Variants in SIPA1L2 observed in about 807,000 individuals in gnomAD.
SIPA1L2 encodes the protein signal-induced proliferation-associated 1-like protein 2.
In SIPA1L2, 56 loss-of-function variants were observed where a neutral mutation model predicts 163.9. That is an observed-to-expected ratio of 0.34 (90% CI 0.28 to 0.43). SIPA1L2 has a LOEUF of 0.43. SIPA1L2 is among the 20% of genes least tolerant of loss of function. The pLI is 1.00. For missense variants in SIPA1L2, 1,974 were observed against 2,193.5 expected, an observed-to-expected ratio of 0.90 and a Z score of 2.00; for synonymous variants, 877 against 865.7, an observed-to-expected ratio of 1.01 and a Z score of -0.23.
intron 12 of SIPA1L2, among the ~76,000 whole-genome samples, chr1:232,442,343 T>A (rs1662953532): frequency 6.7e-6 from 1 of 150,010 alleles, no homozygotes; most frequent in Non-Finnish European, 1.5e-5. Context: ...AGGTCAGGAG[T>A]TGGAGACCAG....
rs555508473 is a variant in SIPA1L2 at position 232,479,651 on chromosome 1, G to C, written c.2061C>G (p.Pro687=). 6.2e-7 allele frequency: 1 copy of C among 1,613,698 alleles called. No individual in the cohort carries two copies. Among genetic ancestry groups the C allele is most frequent in the Non-Finnish European group, 8.5e-7 (1 of 1,179,720 alleles). ...ELMFHVSTLL[P]YMPNNRQQLL... The stretch of plus-strand genomic sequence containing the variant: ...CCTGTTGTCTGTTGTTGGGCATGTA[G>C]GGAAGCAGGGTTGACACGTGGAACA... Residue 687 remains proline, a synonymous_variant, in exon 7 of 23, where the codon CCC becomes CCG. Coordinates refer to ENST00000674635, the MANE Select transcript of SIPA1L2 (RefSeq NM_020808.5).
chr1:232,576,656 C>CA (rs1660094507), intron 1 of SIPA1L2, among the ~76,000 whole-genome samples: 1 of 152,108 alleles, frequency 6.6e-6, no homozygotes, highest in Non-Finnish European at 1.5e-5. Context: ...TGTCAAAAGC[C>CA]AAAACAGGCC....
At position 232,445,504 on chromosome 1, in the gene SIPA1L2, C is replaced by G. The variant is rs376129545; in HGVS notation, c.3353+25G>C. 46 of 1,612,680 alleles carry G rather than the reference C, an allele frequency of 2.9e-5. No individual in the cohort carries two copies. In the African/African-American group the frequency reaches 6.1e-4, roughly 22 times the overall value. ...ACCCCAGTGATTTACAAGGGCCCCC[C>G]TTGAGGAAACGGAACCAGCATTACC... On this transcript the variant is annotated intron_variant, in intron 11 of 22. Transcript: ENST00000674635.
At chr1:232,485,672 G>A (rs1322228513) in intron 5 of SIPA1L2, among the ~76,000 whole-genome samples, 1 of 152,170 alleles carries the variant, frequency 6.6e-6, no homozygotes, top group Non-Finnish European at 1.5e-5. Context: ...ACAGATGTTC[G>A]TGACATCTGT....
Position 232,465,423 on chromosome 1 carries a change from A to G in SIPA1L2, c.2244-7T>C. The G allele has an allele frequency of 6.9e-6, 11 of 1,588,074 alleles. No individual in the cohort carries two copies. Among genetic ancestry groups the G allele is most frequent in the Non-Finnish European group, 9.4e-6 (11 of 1,167,062 alleles). On this transcript the variant is annotated splice_region_variant and splice_polypyrimidine_tract_variant and intron_variant, in intron 8 of 22. Transcript: ENST00000674635. The surrounding 1 kb of genome is among the most constrained non-coding windows in gnomAD (Gnocchi z 4.1). ...TGATCTGGAAACTCCAACACTGAGGAAGTAAAAACAGAAACAAAATGAGAT... is the reference window on the plus strand; with the variant it reads ...TGATCTGGAAACTCCAACACTGAGGGAGTAAAAACAGAAACAAAATGAGAT...
chr1:232,619,316 T>A (rs1000890837), intron 1 of SIPA1L2, among the ~76,000 whole-genome samples: 1 of 152,246 alleles, frequency 6.6e-6, no homozygotes, highest in African/African-American at 2.4e-5. Flanking sequence ...CAGTCTTTCA[T>A]CTGAAAGAAG....
At position 232,403,569 on chromosome 1, in the gene SIPA1L2, G is replaced by T. The variant is rs759371186; in HGVS notation, c.4819C>A (p.Gln1607Lys). The T allele has an allele frequency of 1.9e-6, 3 of 1,611,834 alleles. No homozygotes were observed. Among genetic ancestry groups the T allele is most frequent in the Admixed American group, 3.4e-5 (2 of 59,696 alleles). ...AGGGTGCAGAAGGATGCCACCCTCT[G>T]GTCTGGGGAGGGGAGAAACACACAC... Reference protein sequence around the residue: ...LLCHHTSYLDQRVASFCTLTD... With the variant: ...LLCHHTSYLDKRVASFCTLTD... Residue 1607 changes from glutamine to lysine, a missense_variant and splice_region_variant, in exon 21 of 23, where the codon CAG becomes AAG. Around this residue, in one of 3 missense-constraint regions of SIPA1L2, gnomAD observed 1,079 missense variants for 1,150.7 expected, o/e 0.94. Transcript: ENST00000674635.
chr1:232,606,218 C>G (rs895040249), intron 1 of SIPA1L2, among the ~76,000 whole-genome samples: 1 of 152,146 alleles, frequency 6.6e-6, no homozygotes, highest in Non-Finnish European at 1.5e-5. Flanking sequence ...AGACAATTAG[C>G]CTTTGACACT....
In SIPA1L2 at chr1:232,441,768, C is replaced by A; in HGVS notation, c.3538G>T (p.Glu1180Ter). 6.2e-7 allele frequency: 1 copy of A among 1,613,462 alleles called. No individual in the cohort carries two copies. Among genetic ancestry groups the A allele is most frequent in the Non-Finnish European group, 8.5e-7 (1 of 1,179,686 alleles). ...TCAATTTCCAGGAGTTCCTTATTAC[C>A]CGGGTGCCTGCTTGCTTCCATGGTG... ...EDTMEASRHP[E>*]TKWHGPPSKV... Residue 1180 changes from glutamate to a stop codon, truncating the protein, a stop_gained and splice_region_variant, in exon 13 of 23, where the codon GAA (glutamate) becomes TAA (stop). Transcript: ENST00000674635. LOFTEE classifies it high-confidence loss of function.
At chr1:232,495,916 T>C (rs918918062) in intron 3 of SIPA1L2, among the ~76,000 whole-genome samples, 3 of 152,230 alleles carry the variant, frequency 2.0e-5, no homozygotes, top group African/African-American at 7.2e-5. Context: ...TTGTACAATG[T>C]GTGCATTAAG....
At chr1:232,547,157 A>G (rs1658077759) in intron 2 of SIPA1L2, among the ~76,000 whole-genome samples, 1 of 152,248 alleles carries the variant, frequency 6.6e-6, no homozygotes, top group South Asian at 2.1e-4. Context: ...TGCTTTAGAC[A>G]GTATGAATAT....
intron 2 of SIPA1L2, among the ~76,000 whole-genome samples, 112 bp downstream of exon 2, chr1:232,574,062 T>A (rs1027046381): frequency 1.3e-5 from 2 of 151,934 alleles, no homozygotes; most frequent in Non-Finnish European, 2.9e-5. Context: ...ATACACTCTA[T>A]CAGCCTAGGG....
At chr1:232,545,066 T>C (rs763121761) in intron 2 of SIPA1L2, among the ~76,000 whole-genome samples, 7 of 152,206 alleles carry the variant, frequency 4.6e-5, no homozygotes, top group Admixed American at 3.3e-4. Flanking sequence ...GTTACAGAAG[T>C]ACCAGAGGAG....
chr1:232,514,246 G>A lies in SIPA1L2; in HGVS notation c.1094C>T (p.Ser365Phe). Reference sequence around the variant, plus strand: ...CTGGCCCGTAGGCATCTGAGTCTGGGATGCTGCAGATGCCCCAGTGGTTAT... The same window carrying A: ...CTGGCCCGTAGGCATCTGAGTCTGGAATGCTGCAGATGCCCCAGTGGTTAT... ...KNITTGASAA[S>F]QTQMPTGQTG... Residue 365 changes from serine to phenylalanine, a missense_variant, in exon 3 of 23, where the codon TCC becomes TTC. Ser to Phe is a radical substitution (Grantham distance 155, BLOSUM62 -2). Around this residue, in one of 3 missense-constraint regions of SIPA1L2, gnomAD observed 607 missense variants for 624.0 expected, o/e 0.97. Transcript: ENST00000674635. The A allele has an allele frequency of 4.3e-6, 7 of 1,614,208 alleles. No homozygotes were observed. Among genetic ancestry groups the A allele is most frequent in the Non-Finnish European group, 5.9e-6 (7 of 1,180,046 alleles).
intron 2 of SIPA1L2, among the ~76,000 whole-genome samples, chr1:232,520,260 A>G (rs1573019334): frequency 6.6e-6 from 1 of 152,238 alleles, no homozygotes; most frequent in South Asian, 2.1e-4. Flanking sequence ...AAAAATAAAT[A>G]ATTATCACCA....
chr1:232,608,059 A>C (rs968428172), intron 1 of SIPA1L2, among the ~76,000 whole-genome samples: 8 of 150,668 alleles, frequency 5.3e-5, no homozygotes, highest in Non-Finnish European at 1.0e-4. Flanking sequence ...AAAAAAAAAA[A>C]AAAAAAAAAA....
At chr1:232,441,216 C>G (rs1323205531) in intron 14 of SIPA1L2, 75 bp downstream of exon 14, 3 of 1,119,874 alleles carry the variant, frequency 2.7e-6, no homozygotes, top group Non-Finnish European at 3.7e-6. Context: ...CCCCAGGAAT[C>G]AGGCTGTACC....
At chr1:232,423,671 G>T (rs1271818427) in intron 18 of SIPA1L2, among the ~76,000 whole-genome samples, 1 of 152,210 alleles carries the variant, frequency 6.6e-6, no homozygotes, top group Non-Finnish European at 1.5e-5. Context: ...TTTCAGCTAG[G>T]ACAGTGAATG....
chr1:232,557,000 C>G (rs1001360286), intron 2 of SIPA1L2, among the ~76,000 whole-genome samples: 2 of 152,046 alleles, frequency 1.3e-5, no homozygotes, highest in African/African-American at 4.8e-5. Flanking sequence ...GGAAGAAATC[C>G]CACACCCAAC....
Sources: allele counts gnomAD v4.1 joint callset (sites outside exome capture counted in the v4.1 genomes callset), GRCh38; gene constraint gnomAD v4.1.1; regional missense constraint gnomAD v4.1.1; non-coding constraint Gnocchi (gnomAD v3.1); transcripts MANE v1.5; gene names NCBI Gene and HGNC (gene_info 2026-07-23, HGNC 2026-07-21).